CSMD3: variants seen among roughly 807,000 people sequenced by gnomAD.
The protein encoded by CSMD3 is CUB and Sushi multiple domains 3.
Under a neutral mutation model 435.2 loss-of-function variants are expected in CSMD3, and 177 were observed. The ratio of observed to expected loss-of-function variants is 0.41; its 90% CI spans 0.36 to 0.46. CSMD3 has a LOEUF of 0.46. CSMD3 is among the 20% of genes least tolerant of loss of function. The pLI is 0.34. For missense variants in CSMD3, 4,265 were observed against 4,504.6 expected (o/e 0.95, Z 1.52); for synonymous variants, 1,656 against 1,520.5 (o/e 1.09, Z -2.07).
At chr8:112,255,141 A>C in intron 62 of CSMD3, 113 bp downstream of exon 62, 1 of 829,348 alleles carries the variant, frequency 1.2e-6, no homozygotes, top group Non-Finnish European at 2.0e-6. Context: ...TCTATATTTT[A>C]CACTTGTTTT....
At chr8:113,398,716 T>G (rs1362425352) in intron 1 of CSMD3, among the ~76,000 whole-genome samples, 3 of 152,142 alleles carry the variant, frequency 2.0e-5, no homozygotes, top group Non-Finnish European at 4.4e-5. Context: ...ATTTTCAGTA[T>G]GCAAACCACT....
At chr8:113,335,533 C>G in intron 1 of CSMD3, among the ~76,000 whole-genome samples, 1 of 94,234 alleles carries the variant, frequency 1.1e-5, no homozygotes, top group Non-Finnish European at 2.0e-5. Context: ...CTCTCCTCCT[C>G]CTTCTTTTTT....
chr8:112,593,896 G>C (rs184039939), intron 22 of CSMD3, among the ~76,000 whole-genome samples: 33 of 152,028 alleles, frequency 2.2e-4, no homozygotes, highest in African/African-American at 6.0e-4. Flanking sequence ...TTGAAGGAAG[G>C]GTCTTTTTGT....
chr8:113,321,239 A>G (rs931094709), intron 1 of CSMD3, among the ~76,000 whole-genome samples: 1 of 152,144 alleles, frequency 6.6e-6, no homozygotes, highest in Non-Finnish European at 1.5e-5. Context: ...TGTCAATATA[A>G]GGTTCATACT....
At position 113,396,280 on chromosome 8, in the gene CSMD3, T is replaced by C. The variant is rs369545008; in HGVS notation, c.178+40397A>G. Among the ~76,000 whole-genome samples the C allele has an allele frequency of 1.1e-4, 16 of 152,214 alleles. No individual in the cohort carries two copies. The East Asian group carries it at 1.2e-3, about 11-fold the overall frequency. On this transcript the variant is annotated intron_variant, in intron 1 of 70. Coordinates refer to ENST00000297405, the MANE Select transcript of CSMD3 (RefSeq NM_198123.2). ...AGACTTGTATTCTACATGAGAACTG[T>C]GGATAATACATGTAACTGAGTGGTA...
intron 69 of CSMD3, among the ~76,000 whole-genome samples, 153 bp downstream of exon 69, chr8:112,231,392 T>C (rs757775410): frequency 2.6e-5 from 4 of 152,204 alleles, no homozygotes; most frequent in Non-Finnish European, 5.9e-5. Flanking sequence ...AATGTGATTA[T>C]TTAAAAGGGC....
chr8:112,855,255 AT>A (rs1357508219), intron 11 of CSMD3, among the ~76,000 whole-genome samples: 4 of 152,140 alleles, frequency 2.6e-5, no homozygotes, highest in Non-Finnish European at 5.9e-5. Context: ...AAATAAAAAG[AT>A]TTTGGAAACT....
At chr8:112,332,605 T>C (rs1288753233) in intron 45 of CSMD3, among the ~76,000 whole-genome samples, 15 of 152,196 alleles carry the variant, frequency 9.9e-5, no homozygotes, top group Admixed American at 9.8e-4. Context: ...AAAGTATCAG[T>C]CAATTTTTAA....
At chr8:113,359,647 C>T (rs1435556047) in intron 1 of CSMD3, among the ~76,000 whole-genome samples, 1 of 152,182 alleles carries the variant, frequency 6.6e-6, no homozygotes, top group African/African-American at 2.4e-5. Flanking sequence ...TTTGTCTTTC[C>T]AGTCTTTGCT....
chr8:112,638,959 C>T, intron 20 of CSMD3, 48 bp from the exon 21 acceptor site: 1 of 1,300,634 alleles, frequency 7.7e-7, no homozygotes, highest in Non-Finnish European at 1.1e-6. Flanking sequence ...ATCAGTAAAA[C>T]ACAGAGAGTT....
intron 6 of CSMD3, among the ~76,000 whole-genome samples, chr8:112,986,573 C>T (rs1157802596): frequency 6.6e-6 from 1 of 152,010 alleles, no homozygotes; most frequent in African/African-American, 2.4e-5. Flanking sequence ...AGTATTAAAA[C>T]CATCGAATGC....
chr8:112,666,505 T>C lies in CSMD3; in HGVS notation c.2678-90A>G. 3 of 1,112,220 alleles carry C rather than the reference T, an allele frequency of 2.7e-6. No individual in the cohort carries two copies. In the Admixed American group the frequency reaches 5.8e-5, roughly 22 times the overall value. The allele number at this position is 1,112,220 out of a possible 1,614,324, so 68.9% of individuals were successfully genotyped here. Reference sequence around the variant, plus strand: ...ATACAAACAATTTCAAAAACAAGTCTCTGCATATCCTTATTAAATAGTTAA... The same window carrying C: ...ATACAAACAATTTCAAAAACAAGTCCCTGCATATCCTTATTAAATAGTTAA... On this transcript the variant is annotated intron_variant, in intron 16 of 70. Transcript: ENST00000297405.
At chr8:113,094,584 T>C (rs1344345423) in intron 5 of CSMD3, among the ~76,000 whole-genome samples, 3 of 152,190 alleles carry the variant, frequency 2.0e-5, no homozygotes, top group African/African-American at 7.2e-5. Flanking sequence ...TATCACTAGG[T>C]CTTATTTATT....
chr8:113,200,632 G>A (rs1038825226), intron 3 of CSMD3, among the ~76,000 whole-genome samples: 15 of 150,944 alleles, frequency 9.9e-5, no homozygotes, highest in African/African-American at 3.2e-4. Context: ...TGGGTTACAC[G>A]TGCAGAACGA....
rs1185360534 is a variant in CSMD3, at chr8:112,291,609, C to T, written c.8875G>A (p.Val2959Ile). ...TATCCAGGATTGCAGTCATAGAATACCACAGTGCCGTAAGTAAAATTTCCA... is the reference window on the plus strand; with the variant it reads ...TATCCAGGATTGCAGTCATAGAATATCACAGTGCCGTAAGTAAAATTTCCA... ...EHGNFTYGTV[V>I]FYDCNPGYFL... The change falls in exon 56 of 71, where the codon GTA becomes ATA. Residue 2959 changes from valine (V) to isoleucine (I), a missense_variant. Coordinates refer to ENST00000297405, the MANE Select transcript of CSMD3 (RefSeq NM_198123.2). 2.5e-6 allele frequency: 4 copies of T among 1,610,394 alleles called. No homozygotes were observed. The highest frequency in any genetic ancestry group is 3.4e-6 in the Non-Finnish European group (4 of 1,177,022).
chr8:113,040,980 G>A (rs2087583210), intron 5 of CSMD3, among the ~76,000 whole-genome samples: 1 of 151,944 alleles, frequency 6.6e-6, no homozygotes, highest in Middle Eastern at 3.2e-3. Flanking sequence ...GAGTTGGGCA[G>A]CTTGCCTGAG....
intron 1 of CSMD3, among the ~76,000 whole-genome samples, chr8:113,322,410 T>TA (rs1356123507): frequency 3.3e-5 from 5 of 152,090 alleles, no homozygotes; most frequent in Non-Finnish European, 5.9e-5. Context: ...GAGCCATTTA[T>TA]AAAAAAAGAC....
chr8:112,617,862 TCTTCA>T (rs955774466), intron 22 of CSMD3, among the ~76,000 whole-genome samples: 2 of 152,156 alleles, frequency 1.3e-5, no homozygotes, highest in African/African-American at 4.8e-5. Context: ...CATTTCCAAG[TCTTCA>T]CTTCAATTTA....
intron 1 of CSMD3, among the ~76,000 whole-genome samples, chr8:113,325,202 T>G (rs996497567): frequency 8.5e-5 from 13 of 152,052 alleles, no homozygotes; most frequent in African/African-American, 2.7e-4. Context: ...GAAGGCACGA[T>G]TGGTTTTGAA....
Sources: allele counts gnomAD v4.1 joint callset (sites outside exome capture counted in the v4.1 genomes callset), GRCh38; gene constraint gnomAD v4.1.1; transcripts MANE v1.5; gene names NCBI Gene and HGNC (gene_info 2026-07-23, HGNC 2026-07-21).